The following KIF6 variants were observed in gnomAD, a reference collection of about 807,000 sequenced individuals.
The protein encoded by KIF6 is kinesin family member 6.
In KIF6, 106 loss-of-function variants were observed where a neutral mutation model predicts 112.7. The observed-to-expected ratio is 0.94, with a 90% CI of 0.80 to 1.11. The LOEUF is 1.11. Ranked by LOEUF, KIF6 falls within the 50% of genes least tolerant of loss-of-function variation. The probability of loss-of-function intolerance (pLI) is 0.00; values close to 1 mark genes in which losing one functional copy is unlikely to be tolerated. For missense variants in KIF6, 929 were observed against 964.0 expected, an observed-to-expected ratio of 0.96 and a Z score of 0.48; for synonymous variants, 339 against 339.9, an observed-to-expected ratio of 1.00 and a Z score of 0.03.
At chr6:39,582,308 T>A (rs76304065) in intron 9 of KIF6, among the ~76,000 whole-genome samples, 1 of 152,166 alleles carries the variant, frequency 6.6e-6, no homozygotes, top group South Asian at 2.1e-4. Flanking sequence ...CTTAGGAGAT[T>A]TGAGCTCATG....
chr6:39,711,426 C>G (rs1045549236), intron 3 of KIF6, among the ~76,000 whole-genome samples: 1 of 152,054 alleles, frequency 6.6e-6, no homozygotes, highest in Non-Finnish European at 1.5e-5. Flanking sequence ...GAGTGCTATA[C>G]CCAGTCAAAT....
At chr6:39,455,453 C>T (rs1581895355) in intron 13 of KIF6, among the ~76,000 whole-genome samples, 3 of 151,896 alleles carry the variant, frequency 2.0e-5, no homozygotes, top group African/African-American at 2.4e-5. Flanking sequence ...AACTCTAAAA[C>T]GCAGAGTGCC....
At chr6:39,562,471 GTTTT>G (rs1780059013) in intron 10 of KIF6, among the ~76,000 whole-genome samples, 2 of 152,278 alleles carry the variant, frequency 1.3e-5, no homozygotes, top group South Asian at 2.1e-4. Context: ...ATAGGCCTTA[GTTTT>G]TGATACCGAA....
At chr6:39,540,258 G>T in intron 12 of KIF6, 37 bp from the exon 13 acceptor site, 1 of 1,284,490 alleles carries the variant, frequency 7.8e-7, no homozygotes, top group African/African-American at 1.5e-5. Context: ...CCTGATGCTA[G>T]CTTATAGTAA....
At chr6:39,487,663 AAC>A (rs1395652288) in intron 13 of KIF6, among the ~76,000 whole-genome samples, 1 of 152,230 alleles carries the variant, frequency 6.6e-6, no homozygotes, top group East Asian at 1.9e-4. Context: ...AGAAAGGAGA[AAC>A]TCAGAAAGCA....
intron 6 of KIF6, among the ~76,000 whole-genome samples, chr6:39,603,137 G>T (rs1401945252): frequency 6.6e-6 from 1 of 152,198 alleles, no homozygotes; most frequent in Non-Finnish European, 1.5e-5. Context: ...CTACAAGTGA[G>T]TGTTTGGCGT....
At chr6:39,498,466 A>G (rs181602392) in intron 13 of KIF6, among the ~76,000 whole-genome samples, 16 of 152,340 alleles carry the variant, frequency 1.1e-4, no homozygotes, top group Admixed American at 8.5e-4. Flanking sequence ...GTGGATGGCT[A>G]CAAATTCTGA....
chr6:39,447,383 T>C (rs1772397717), intron 13 of KIF6, among the ~76,000 whole-genome samples: 2 of 152,206 alleles, frequency 1.3e-5, no homozygotes, highest in South Asian at 4.1e-4. Context: ...ACTCCTCTCC[T>C]GGCCTTCTTC....
At chr6:39,425,627 A>C (rs768301926) in intron 14 of KIF6, among the ~76,000 whole-genome samples, 3 of 151,452 alleles carry the variant, frequency 2.0e-5, no homozygotes, top group Non-Finnish European at 2.9e-5. Context: ...TCTCAAAGTC[A>C]ATTTCAAATT....
At chr6:39,546,790 C>T (rs1779089245) in intron 10 of KIF6, among the ~76,000 whole-genome samples, 1 of 148,854 alleles carries the variant, frequency 6.7e-6, no homozygotes. Context: ...TGTGCCACTG[C>T]ACTCCAGCCT....
chr6:39,336,932 T>TC (rs761886619), intron 22 of KIF6, among the ~76,000 whole-genome samples: 5,434 of 135,662 alleles, frequency 0.04, 145 homozygotes, highest in Non-Finnish European at 0.054. Flanking sequence ...CTTTCTCTTC[T>TC]TTCTTTCTTT....
chr6:39,411,237 G>A (rs890634890), intron 15 of KIF6, among the ~76,000 whole-genome samples: 2 of 152,236 alleles, frequency 1.3e-5, no homozygotes, highest in African/African-American at 4.8e-5. Context: ...AGCAAGAGGC[G>A]CTGAGGGAGG....
At chr6:39,447,705 T>A (rs780044266) in intron 13 of KIF6, among the ~76,000 whole-genome samples, 4 of 152,166 alleles carry the variant, frequency 2.6e-5, no homozygotes, top group Admixed American at 6.5e-5. Context: ...ACCTTCCAGC[T>A]ATCTTTCAAT....
chr6:39,477,479 A>G (rs1774500810), intron 13 of KIF6, among the ~76,000 whole-genome samples: 1 of 152,224 alleles, frequency 6.6e-6, no homozygotes, highest in Non-Finnish European at 1.5e-5. Context: ...TTATCTAGTG[A>G]TAAACGATAA....
At chr6:39,560,716 C>T (rs899112251) in intron 10 of KIF6, among the ~76,000 whole-genome samples, 2 of 152,154 alleles carry the variant, frequency 1.3e-5, no homozygotes, top group Non-Finnish European at 2.9e-5. Context: ...TCTCTGAAGC[C>T]AGAATCTGTC....
intron 16 of KIF6, among the ~76,000 whole-genome samples, chr6:39,373,380 C>G (rs1405710762): frequency 3.3e-5 from 5 of 152,120 alleles, no homozygotes; most frequent in Non-Finnish European, 5.9e-5. Context: ...GCCTTCAATG[C>G]TGCTGGTGGC....
intron 14 of KIF6, among the ~76,000 whole-genome samples, chr6:39,422,307 G>A (rs1562200353): frequency 1.3e-5 from 2 of 152,186 alleles, no homozygotes; most frequent in Non-Finnish European, 1.5e-5. Flanking sequence ...TGTCTGGGGG[G>A]CCTGGCAGAG....
intron 14 of KIF6, among the ~76,000 whole-genome samples, chr6:39,420,499 G>A: frequency 6.6e-6 from 1 of 152,176 alleles, no homozygotes; most frequent in Middle Eastern, 3.2e-3. Context: ...CCTATTCACT[G>A]ACGCATTTTC....
chr6:39,441,450 G>C (rs1771917462), intron 13 of KIF6, among the ~76,000 whole-genome samples: 1 of 152,170 alleles, frequency 6.6e-6, no homozygotes, highest in African/African-American at 2.4e-5. Flanking sequence ...GCAGCATCAT[G>C]CCCTAGCATG....
Sources: allele counts gnomAD v4.1 joint callset (sites outside exome capture counted in the v4.1 genomes callset), GRCh38; gene constraint gnomAD v4.1.1; transcripts MANE v1.5; gene names NCBI Gene and HGNC (gene_info 2026-07-23, HGNC 2026-07-21).